The following PHACTR1 variants were observed in gnomAD, a reference collection of about 807,000 sequenced individuals.
The protein encoded by PHACTR1 is RPEL repeat containing 1.
Under a neutral mutation model 69.2 loss-of-function variants are expected in PHACTR1, and 16 were observed. The observed-to-expected ratio is 0.23, with a 90% confidence interval of 0.16 to 0.35. The LOEUF is 0.35. Among genes scored for constraint, PHACTR1 ranks in the 10% least tolerant of loss-of-function variants. The probability of loss-of-function intolerance (pLI) is 1.00; values close to 1 mark genes in which losing one functional copy is unlikely to be tolerated. For missense variants in PHACTR1, 510 were observed against 734.7 expected (o/e 0.69, Z 3.54); for synonymous variants, 312 against 284.5 (o/e 1.10, Z -0.97).
chr6:12,756,663 C>G (rs970264023), intron 4 of PHACTR1, among the ~76,000 whole-genome samples: 1 of 152,218 alleles, frequency 6.6e-6, no homozygotes, highest in Admixed American at 6.5e-5. Context: ...ATACATTAAA[C>G]TAGCAATTCA....
chr6:12,919,533 G>A (rs1017838131), intron 4 of PHACTR1, among the ~76,000 whole-genome samples: 2 of 152,180 alleles, frequency 1.3e-5, no homozygotes, highest in African/African-American at 4.8e-5. Flanking sequence ...TCTAGAAGTT[G>A]TGTTTCAGAA....
At chr6:13,133,947 A>G (rs527466356) in intron 5 of PHACTR1, among the ~76,000 whole-genome samples, 5 of 143,124 alleles carry the variant, frequency 3.5e-5, no homozygotes, top group South Asian at 2.3e-4. Flanking sequence ...CTGCCCCGCC[A>G]CCCCGTCTAT....
chr6:13,119,188 G>C (rs914866163), intron 5 of PHACTR1, among the ~76,000 whole-genome samples: 1 of 152,116 alleles, frequency 6.6e-6, no homozygotes, highest in African/African-American at 2.4e-5. Flanking sequence ...ATTAGGCCTT[G>C]TGCATGGTAA....
intron 4 of PHACTR1, among the ~76,000 whole-genome samples, chr6:12,974,825 A>C (rs1420708714): frequency 6.6e-6 from 1 of 152,226 alleles, no homozygotes; most frequent in Non-Finnish European, 1.5e-5. Flanking sequence ...GAAGTACGAC[A>C]GAAAAGAGAA....
At chr6:13,244,775 G>A (rs1773359132) in intron 10 of PHACTR1, among the ~76,000 whole-genome samples, 3 of 152,094 alleles carry the variant, frequency 2.0e-5, no homozygotes, top group Non-Finnish European at 4.4e-5. Context: ...AAACACACAT[G>A]CTGTACAATT....
intron 7 of PHACTR1, among the ~76,000 whole-genome samples, chr6:13,197,996 G>A (rs1764672184): frequency 6.6e-6 from 1 of 152,164 alleles, no homozygotes; most frequent in Admixed American, 6.5e-5. Flanking sequence ...AAGGTCCCAG[G>A]CCATGTGGCT....
intron 10 of PHACTR1, among the ~76,000 whole-genome samples, chr6:13,257,738 A>G (rs1397692894): frequency 6.6e-6 from 1 of 151,984 alleles, no homozygotes; most frequent in Non-Finnish European, 1.5e-5. Context: ...ACATCTTCAC[A>G]TCTCTCTAAC....
chr6:12,990,798 T>C (rs1796732949), intron 4 of PHACTR1, among the ~76,000 whole-genome samples: 1 of 152,168 alleles, frequency 6.6e-6, no homozygotes, highest in African/African-American at 2.4e-5. Context: ...GAAGTGGCTC[T>C]CAGAGAATCA....
chr6:12,994,835 C>T (rs1797236073), intron 4 of PHACTR1, among the ~76,000 whole-genome samples: 1 of 152,050 alleles, frequency 6.6e-6, no homozygotes. Flanking sequence ...GAACAGGAGA[C>T]TACTACTTTT....
intron 10 of PHACTR1, among the ~76,000 whole-genome samples, chr6:13,260,061 G>A (rs184779722): frequency 1.1e-4 from 16 of 152,276 alleles, no homozygotes; most frequent in African/African-American, 3.4e-4. Context: ...CTCCAGGGGC[G>A]AGAGATTATT....
At chr6:13,252,151 G>T (rs955110564) in intron 10 of PHACTR1, among the ~76,000 whole-genome samples, 1 of 128,810 alleles carries the variant, frequency 7.8e-6, no homozygotes, top group South Asian at 2.7e-4. Flanking sequence ...TGGGCAGATC[G>T]CCTGAGCCCA....
At chr6:13,268,182 G>A (rs149554714) in intron 10 of PHACTR1, among the ~76,000 whole-genome samples, 2,677 of 152,256 alleles carry the variant, frequency 0.018, 82 homozygotes, top group African/African-American at 0.061. Context: ...CAGGAGAATC[G>A]CTTGAACCTG....
intron 5 of PHACTR1, among the ~76,000 whole-genome samples, chr6:13,059,864 G>A (rs189300878): frequency 6.6e-6 from 1 of 152,006 alleles, no homozygotes; most frequent in Non-Finnish European, 1.5e-5. Context: ...GAGAGGTCTG[G>A]GCTGGCTATG....
chr6:12,918,710 C>T (rs1787293238), intron 4 of PHACTR1, among the ~76,000 whole-genome samples: 1 of 152,160 alleles, frequency 6.6e-6, no homozygotes, highest in South Asian at 2.1e-4. Context: ...TAGCCAGTGC[C>T]TAAAACCATT....
intron 7 of PHACTR1, among the ~76,000 whole-genome samples, chr6:13,200,670 G>C (rs1330446952): frequency 1.3e-5 from 2 of 151,950 alleles, no homozygotes; most frequent in African/African-American, 4.8e-5. Flanking sequence ...CAGGTGGCCA[G>C]CACTGGGTGG....
chr6:12,844,412 C>A (rs1188809136), intron 4 of PHACTR1, among the ~76,000 whole-genome samples: 1 of 151,840 alleles, frequency 6.6e-6, no homozygotes, highest in Non-Finnish European at 1.5e-5. Context: ...CCCAAAAAAA[C>A]ACAAATAAAT....
At chr6:13,062,801 G>T (rs1807876034) in intron 5 of PHACTR1, among the ~76,000 whole-genome samples, 1 of 152,190 alleles carries the variant, frequency 6.6e-6, no homozygotes, top group Non-Finnish European at 1.5e-5. Flanking sequence ...GAAAATTATT[G>T]TTGGTAAAGG....
intron 8 of PHACTR1, among the ~76,000 whole-genome samples, chr6:13,211,763 G>A (rs545614093): frequency 9.9e-5 from 15 of 152,140 alleles, no homozygotes; most frequent in African/African-American, 3.6e-4. Context: ...CTGAGCCTCA[G>A]TCGGCCTTGC....
At chr6:12,852,624 C>T (rs761773345) in intron 4 of PHACTR1, among the ~76,000 whole-genome samples, 3 of 151,414 alleles carry the variant, frequency 2.0e-5, no homozygotes, top group Non-Finnish European at 3.0e-5. Flanking sequence ...ATACAAAAAC[C>T]CTGAAAATCC....
Sources: allele counts gnomAD v4.1 joint callset (sites outside exome capture counted in the v4.1 genomes callset), GRCh38; gene constraint gnomAD v4.1.1; transcripts MANE v1.5; gene names NCBI Gene and HGNC (gene_info 2026-07-23, HGNC 2026-07-21).